PTPRD: variants seen among roughly 807,000 people sequenced by gnomAD.
PTPRD encodes the protein receptor-type tyrosine-protein phosphatase delta.
In PTPRD, 34 loss-of-function variants were observed where a neutral mutation model predicts 214.5. The observed-to-expected ratio is 0.16, with a 90% confidence interval of 0.12 to 0.21. The LOEUF (loss-of-function observed/expected upper bound fraction) is 0.21, where lower values mean the gene tolerates loss of function less well. PTPRD is among the 10% of genes least tolerant of loss of function. The pLI is 1.00. For synonymous variants in PTPRD, 1,128 were observed against 845.7 expected, an observed-to-expected ratio of 1.33 and a Z score of -5.79; for missense variants, 2,545 against 2,398.7, an observed-to-expected ratio of 1.06 and a Z score of -1.27.
intron 2 of PTPRD, among the ~76,000 whole-genome samples, chr9:10,608,670 A>G (rs960136101): frequency 2.6e-5 from 4 of 152,064 alleles, no homozygotes; most frequent in African/African-American, 9.7e-5. Flanking sequence ...AGTCCAGATT[A>G]CCTCCTTAGG....
intron 5 of PTPRD, among the ~76,000 whole-genome samples, chr9:9,834,320 T>C (rs559821433): frequency 6.6e-6 from 1 of 152,114 alleles, no homozygotes; most frequent in South Asian, 2.1e-4. Context: ...ATAATCTCCA[T>C]GCTATGAAAA....
intron 2 of PTPRD, among the ~76,000 whole-genome samples, chr9:10,468,156 T>C (rs932621628): frequency 6.6e-6 from 1 of 152,184 alleles, no homozygotes; most frequent in Admixed American, 6.5e-5. Context: ...ACTGGGTATA[T>C]ACCCACAGGA....
intron 8 of PTPRD, among the ~76,000 whole-genome samples, chr9:9,565,843 T>C (rs2084352209): frequency 6.6e-6 from 1 of 151,936 alleles, no homozygotes; most frequent in South Asian, 2.1e-4. Context: ...CTGTCAAGGA[T>C]GGAATACAGA....
At chr9:10,512,033 TATATATATATACACACAC>T (rs1319437875) in intron 2 of PTPRD, among the ~76,000 whole-genome samples, 270 of 11,520 alleles carry the variant, frequency 0.023, 1 homozygote, top group Non-Finnish European at 0.034. Context: ...TATATATGTA[TATATATATATACACACAC>T]GTATATATAT....
intron 3 of PTPRD, among the ~76,000 whole-genome samples, chr9:10,074,283 T>C (rs1443146996): frequency 6.6e-6 from 1 of 152,118 alleles, no homozygotes; most frequent in Non-Finnish European, 1.5e-5. Context: ...GGCCTGAGAA[T>C]GTTTAGATAA....
chr9:10,574,267 T>C (rs1443996427), intron 2 of PTPRD, among the ~76,000 whole-genome samples: 1 of 152,008 alleles, frequency 6.6e-6, no homozygotes, highest in Non-Finnish European at 1.5e-5. Context: ...TGCCCTCCAA[T>C]CTTATTTTTT....
At chr9:10,587,391 G>A (rs1482077302) in intron 2 of PTPRD, among the ~76,000 whole-genome samples, 2 of 152,222 alleles carry the variant, frequency 1.3e-5, no homozygotes, top group South Asian at 4.1e-4. Flanking sequence ...AGAGTTTAAT[G>A]AGTATCTATG....
At chr9:10,097,019 G>C (rs1175423607) in intron 3 of PTPRD, among the ~76,000 whole-genome samples, 2 of 151,602 alleles carry the variant, frequency 1.3e-5, no homozygotes, top group Admixed American at 6.6e-5. Context: ...GCTTGTTTTG[G>C]TCAGGTTTGT....
intron 14 of PTPRD, among the ~76,000 whole-genome samples, chr9:8,588,223 T>A (rs1196546532): frequency 6.6e-6 from 1 of 152,242 alleles, no homozygotes; most frequent in Non-Finnish European, 1.5e-5. Flanking sequence ...CAGAAGAGCT[T>A]CATTAACTTA....
intron 39 of PTPRD, among the ~76,000 whole-genome samples, chr9:8,371,267 A>C (rs1378947661): frequency 6.6e-6 from 1 of 152,072 alleles, no homozygotes; most frequent in African/African-American, 2.4e-5. Flanking sequence ...AAACCAAAAA[A>C]ATCAGTCCAG....
chr9:9,156,769 G>A (rs1159951119), intron 10 of PTPRD, among the ~76,000 whole-genome samples: 1 of 152,126 alleles, frequency 6.6e-6, no homozygotes, highest in Admixed American at 6.5e-5. Context: ...TCTCCATTTA[G>A]CTGATGGATC....
intron 14 of PTPRD, among the ~76,000 whole-genome samples, chr9:8,605,883 T>C (rs996700224): frequency 6.6e-6 from 1 of 152,170 alleles, no homozygotes; most frequent in African/African-American, 2.4e-5. Context: ...ATACGATTTG[T>C]AGCATGTAAA....
intron 11 of PTPRD, among the ~76,000 whole-genome samples, chr9:8,752,231 T>C (rs2093607855): frequency 6.6e-6 from 1 of 152,174 alleles, no homozygotes; most frequent in South Asian, 2.1e-4. Context: ...CATAAAGATC[T>C]TGCTGATAAG....
intron 11 of PTPRD, among the ~76,000 whole-genome samples, chr9:9,004,425 A>G (rs1363345691): frequency 6.6e-6 from 1 of 151,984 alleles, no homozygotes. Context: ...AAAATCACCT[A>G]TATAGTATAA....
intron 5 of PTPRD, among the ~76,000 whole-genome samples, chr9:9,814,656 G>A (rs2048182535): frequency 6.6e-6 from 1 of 152,108 alleles, no homozygotes; most frequent in Non-Finnish European, 1.5e-5. Flanking sequence ...TAAATAAAAT[G>A]TTCAAATGTC....
At chr9:10,043,914 T>C (rs2097342421) in intron 3 of PTPRD, among the ~76,000 whole-genome samples, 1 of 151,982 alleles carries the variant, frequency 6.6e-6, no homozygotes, top group African/African-American at 2.4e-5. Flanking sequence ...CTGTGAGAAT[T>C]GTGATTTATA....
chr9:9,633,253 C>T (rs1413132718), intron 7 of PTPRD, among the ~76,000 whole-genome samples: 2 of 151,878 alleles, frequency 1.3e-5, no homozygotes, highest in Admixed American at 6.6e-5. Context: ...CTAGATCACA[C>T]CACTGCATTC....
chr9:10,509,942 G>T (rs1274492529), intron 2 of PTPRD, among the ~76,000 whole-genome samples: 1 of 151,868 alleles, frequency 6.6e-6, no homozygotes. Context: ...GCATCACGAG[G>T]TTCACTCTAG....
At chr9:10,098,180 C>T (rs1380994575) in intron 3 of PTPRD, among the ~76,000 whole-genome samples, 2 of 151,662 alleles carry the variant, frequency 1.3e-5, no homozygotes, top group Admixed American at 6.6e-5. Context: ...ATGATGAGTT[C>T]ATGTCCTTTG....
Sources: gnomAD v4.1 joint callset for allele counts (sites outside exome capture counted in the v4.1 genomes callset) on GRCh38, gnomAD v4.1.1 for gene constraint, MANE v1.5 for transcripts, NCBI Gene and HGNC (gene_info 2026-07-23, HGNC 2026-07-21) for gene names.